SNX5: variants seen among roughly 807,000 people sequenced by gnomAD.
SNX5 encodes sorting nexin-5.
Under a neutral mutation model 53.9 loss-of-function variants are expected in SNX5, and 31 were observed. That is an observed-to-expected ratio of 0.58 (90% CI 0.43 to 0.78). The LOEUF (loss-of-function observed/expected upper bound fraction) is 0.78, where lower values mean the gene tolerates loss of function less well. Ranked by LOEUF, SNX5 falls within the 30% of genes least tolerant of loss-of-function variation. The probability of loss-of-function intolerance (pLI) is 0.00; values close to 1 mark genes in which losing one functional copy is unlikely to be tolerated. For missense variants in SNX5, 471 were observed against 478.8 expected, an observed-to-expected ratio of 0.98 and a Z score of 0.15; for synonymous variants, 168 against 171.1, an observed-to-expected ratio of 0.98 and a Z score of 0.14.
At chr20:17,954,168 T>C in intron 3 of SNX5, 51 bp from the exon 4 acceptor site, 1 of 1,605,142 alleles carries the variant, frequency 6.2e-7, no homozygotes, top group Admixed American at 1.7e-5. Flanking sequence ...AGCGATGTTT[T>C]CTAGTTGGTG....
chr20:17,968,420 G>A lies in SNX5; in HGVS notation c.6C>T (p.Ala2=), dbSNP rs1324361419. 7.8e-7 allele frequency: 1 copy of A among 1,289,218 alleles called. No homozygotes were observed. The highest frequency in any genetic ancestry group is 9.8e-7 in the Non-Finnish European group (1 of 1,015,264). 79.9% of individuals were successfully genotyped at this position (1,289,218 alleles called of 1,614,324 possible). The change falls in exon 1 of 13, where the codon GCC becomes GCT. Residue 2 remains alanine (A), a synonymous_variant. Transcript: ENST00000377759. The part of the protein sequence containing the change: M[A]AVPELLQQQE... ...GCTGCTGCAGCAACTCGGGAACCGC[G>A]GCCATGGCGACGCGGGACTCGAGCA... is the stretch of plus-strand genomic sequence containing the variant.
chr20:17,955,848 T>C (rs546795373), intron 2 of SNX5, among the ~76,000 whole-genome samples: 1 of 152,222 alleles, frequency 6.6e-6, no homozygotes. Context: ...TGCAGTGGAA[T>C]GATCTTGGCT....
At chr20:17,954,983 A>C (rs1438047978) in intron 3 of SNX5, among the ~76,000 whole-genome samples, 1 of 152,206 alleles carries the variant, frequency 6.6e-6, no homozygotes, top group Non-Finnish European at 1.5e-5. Flanking sequence ...AAGTGCTAGG[A>C]TTAAAGGCAT....
At chr20:17,944,702 C>G (rs1463947689) in intron 11 of SNX5, 1 of 152,166 alleles carries the variant, frequency 6.6e-6, no homozygotes, top group Non-Finnish European at 1.5e-5. Flanking sequence ...CCCGCCACCA[C>G]ACCCGGCTAA....
chr20:17,961,497 T>C (rs759579313), intron 1 of SNX5: 5 of 985,266 alleles, frequency 5.1e-6, no homozygotes, highest in Non-Finnish European at 4.8e-6. Flanking sequence ...TTGGGGCTAG[T>C]TGAACAGTCA....
Position 17,942,272 on chromosome 20 carries a change from A to G in SNX5, c.*85T>C. On this transcript the variant is annotated 3_prime_UTR_variant, in exon 13 of 13. Transcript: ENST00000377759. ...TAATTTTAAACTAAAGTTGAAGCTA[A>G]TATATCTTCCGTGGTAATGATTTAA... 1.2e-6 allele frequency: 1 copy of G among 841,670 alleles called. No homozygotes were observed. The highest frequency in any genetic ancestry group is 2.1e-6 in the Non-Finnish European group (1 of 486,678). The allele number at this position is 841,670 out of a possible 1,614,324, so 52.1% of individuals were successfully genotyped here.
chr20:17,948,568 T>C (rs1374489771), intron 10 of SNX5, among the ~76,000 whole-genome samples: 1 of 152,268 alleles, frequency 6.6e-6, no homozygotes, highest in Non-Finnish European at 1.5e-5. Flanking sequence ...CATATACATA[T>C]AACGCTTCAC....
At chr20:17,943,434 G>C in intron 11 of SNX5, 1 of 467,262 alleles carries the variant, frequency 2.1e-6, no homozygotes, top group East Asian at 4.1e-5. Flanking sequence ...TCGTGAGTGG[G>C]AGAGCAGCAG....
Position 17,954,884 on chromosome 20 carries a change from G to GT in SNX5, c.267+480dup, listed in dbSNP as rs370577175. On this transcript the variant is annotated intron_variant, in intron 3 of 12. Coordinates refer to ENST00000377759, the MANE Select transcript of SNX5 (RefSeq NM_014426.4). ...CACCACCACGCCCAGCAAATTTTTT[G>GT]TATTTTTAGTAGAGACAGGGTCTCA... 2.6e-4 allele frequency among the ~76,000 whole-genome samples: 39 copies of GT among 152,176 alleles called. 1 individual carries two copies. The highest frequency in any genetic ancestry group is 9.4e-4 in the African/African-American group (39 of 41,522).
Position 17,947,506 on chromosome 20 carries a change from A to G in SNX5, c.1058T>C (p.Leu353Pro). 3 of 1,613,474 alleles carry G rather than the reference A, an allele frequency of 1.9e-6. No homozygotes were observed. Among genetic ancestry groups the G allele is most frequent in the Non-Finnish European group, 2.5e-6 (3 of 1,179,670 alleles). The change falls in exon 11 of 13, where the codon CTT (leucine) becomes CCT (proline). Residue 353 changes from leucine to proline, a missense_variant. By Grantham distance (98) the Leu-to-Pro change is moderately conservative. Coordinates refer to ENST00000377759, the MANE Select transcript of SNX5 (RefSeq NM_014426.4). ...TCAACCTTCTTTTGCAGATTCGGAA[A>G]GTTGTTCAAATTTCTGGCAGCACTC... The part of the protein sequence containing the change: ...QQECCQKFEQ[L>P]SESAKEELIN...
rs145652755 is a variant in SNX5, at chr20:17,950,373, T to G, written c.633A>C (p.Gln211His). The change falls in exon 7 of 13, where the codon CAA (glutamine) becomes CAC (histidine). Residue 211 changes from glutamine (Q) to histidine (H), a missense_variant. Physicochemically the swap from Gln to His is conservative, Grantham distance 24. Coordinates refer to ENST00000377759, the MANE Select transcript of SNX5 (RefSeq NM_014426.4). ...AATAGTTAATAAGGAAGTTCTTCTC[T>G]TGCTCAAAGAAGTCATCTACCTCCT... Reference protein sequence around the residue: ...GVKEVDDFFEQEKNFLINYYN... With the variant: ...GVKEVDDFFEHEKNFLINYYN... 2 of 1,611,834 alleles carry G rather than the reference T, an allele frequency of 1.2e-6. No homozygotes were observed. Among genetic ancestry groups the G allele is most frequent in the Non-Finnish European group, 1.7e-6 (2 of 1,178,114 alleles).
At chr20:17,944,065 T>C (rs1177906361) in intron 11 of SNX5, 1 of 152,176 alleles carries the variant, frequency 6.6e-6, no homozygotes, top group Non-Finnish European at 1.5e-5. Flanking sequence ...TAGAGGACAT[T>C]ATGCCAAATA....
intron 10 of SNX5, 148 bp from the exon 11 acceptor site, chr20:17,947,793 C>A: frequency 1.6e-6 from 1 of 640,304 alleles, no homozygotes. Flanking sequence ...TCTCCAGCTT[C>A]GCAGGGATGA....
rs555937899 is a variant in SNX5 at position 17,961,386 on chromosome 20, T to C, written c.52-4349A>G. 30 of 985,172 alleles carry C rather than the reference T, an allele frequency of 3.0e-5. No homozygotes were observed. The Admixed American group carries it at 1.5e-3, about 50-fold the overall frequency. 61.0% of individuals were successfully genotyped at this position (985,172 alleles called of 1,614,324 possible). ...GAACCCACCAGGAGAACAGAAAAAATACAGTTTTTTCTAAGTGGTTATGGT... is the reference window on the plus strand; with the variant it reads ...GAACCCACCAGGAGAACAGAAAAAACACAGTTTTTTCTAAGTGGTTATGGT... On this transcript the variant is annotated intron_variant, in intron 1 of 12. Transcript: ENST00000377759.
At chr20:17,964,147 A>G (rs2035500401) in intron 1 of SNX5, among the ~76,000 whole-genome samples, 1 of 152,206 alleles carries the variant, frequency 6.6e-6, no homozygotes, top group South Asian at 2.1e-4. Context: ...AAGAAGTCCA[A>G]CATTTTATCA....
rs768508088 is a variant in SNX5, at chr20:17,950,299, G to T, written c.707C>A (p.Ser236Tyr). 6.2e-7 allele frequency: 1 copy of T among 1,611,330 alleles called. No homozygotes were observed. The highest frequency in any genetic ancestry group is 8.5e-7 in the Non-Finnish European group (1 of 1,177,652). The stretch of plus-strand genomic sequence containing the variant: ...CGGTAAATGATATTTACTTTTATGA[G>T]ATCTGGTCATTTTGTCAGCTTTCAC... ...SCVKADKMTR[S>Y]HKNVADDYIH... Residue 236 changes from serine (S) to tyrosine (Y), a missense_variant, in exon 7 of 13, where the codon TCT (serine) becomes TAT (tyrosine). Transcript: ENST00000377759.
chr20:17,957,229 A>AT (rs200855436), intron 1 of SNX5, among the ~76,000 whole-genome samples, 192 bp from the exon 2 acceptor site: 1,797 of 152,118 alleles, frequency 0.012, 31 homozygotes, highest in African/African-American at 0.04. Flanking sequence ...GGGTCAGGAG[A>AT]TGGAGACCAT....
chr20:17,962,616 A>T (rs1230186615), intron 1 of SNX5: 2 of 453,236 alleles, frequency 4.4e-6, no homozygotes, highest in Non-Finnish European at 8.7e-6. Flanking sequence ...AGAACTAAAG[A>T]CTTCTAACAG....
At chr20:17,950,455 T>C in intron 6 of SNX5, 59 bp from the exon 7 acceptor site, 1 of 937,078 alleles carries the variant, frequency 1.1e-6, no homozygotes, top group Middle Eastern at 2.2e-4. Context: ...CTGCAGCCTT[T>C]TACATTTATC....
Sources: gnomAD v4.1 joint callset for allele counts (sites outside exome capture counted in the v4.1 genomes callset) on GRCh38, gnomAD v4.1.1 for gene constraint, MANE v1.5 for transcripts, NCBI Gene and HGNC (gene_info 2026-07-23, HGNC 2026-07-21) for gene names.